MON2: variants seen among roughly 807,000 people sequenced by gnomAD.
MON2 encodes the protein MON2 regulator of endosome-to-Golgi trafficking.
A neutral mutation model predicts 208.6 loss-of-function variants in MON2; 84 were observed. That is an observed-to-expected ratio of 0.40 (90% CI 0.34 to 0.48). The LOEUF is 0.48. MON2 is among the 20% of genes least tolerant of loss of function. The pLI is 0.59. For synonymous variants in MON2, 660 were observed against 694.0 expected (o/e 0.95, Z 0.77); for missense variants, 1,611 against 2,015.4 (o/e 0.80, Z 3.84).
In MON2 at chr12:62,585,372, A is replaced by G; in HGVS notation, c.4778A>G (p.Asn1593Ser). ...ACATTACTCCAGTTTTCCTTCAGTA[A>G]TAAAGTCACAACACCTCAAGAAGGC... The part of the protein sequence containing the change: ...FETLLQFSFS[N>S]KVTTPQEGYI... Residue 1593 changes from asparagine (N) to serine (S), a missense_variant, in exon 33 of 35, where the codon AAT becomes AGT. Physicochemically the swap from Asn to Ser is conservative, Grantham distance 46. Transcript: ENST00000393630. The G allele has an allele frequency of 6.2e-7, 1 of 1,613,912 alleles. No homozygotes were observed. The highest frequency in any genetic ancestry group is 8.5e-7 in the Non-Finnish European group (1 of 1,179,842).
chr12:62,534,998 A>C, intron 13 of MON2, 72 bp downstream of exon 13: 5 of 1,071,892 alleles, frequency 4.7e-6, no homozygotes, highest in Non-Finnish European at 7.0e-6. Context: ...GTTTACTTAC[A>C]TTTGTCCCTA....
At chr12:62,487,289 T>C (rs1057333560) in intron 2 of MON2, among the ~76,000 whole-genome samples, 6 of 152,168 alleles carry the variant, frequency 3.9e-5, no homozygotes, top group African/African-American at 1.2e-4. Flanking sequence ...AAATTGTGTT[T>C]ATTATCCTAG....
At chr12:62,536,397 G>A (rs1232360778) in intron 14 of MON2, among the ~76,000 whole-genome samples, 2 of 152,068 alleles carry the variant, frequency 1.3e-5, no homozygotes, top group South Asian at 4.1e-4. Context: ...TAATGAGACA[G>A]GATCTCGCTA....
intron 8 of MON2, among the ~76,000 whole-genome samples, chr12:62,514,898 T>C (rs544731201): frequency 3.9e-4 from 60 of 152,182 alleles, no homozygotes; most frequent in Non-Finnish European, 7.2e-4. Context: ...ACATCTCCAA[T>C]CATTAGAGAA....
intron 13 of MON2, 73 bp from the exon 14 acceptor site, chr12:62,535,452 T>C: frequency 8.7e-7 from 1 of 1,147,358 alleles, no homozygotes; most frequent in Admixed American, 2.6e-5. Flanking sequence ...CACTGAATAC[T>C]TAATTCCACA....
intron 4 of MON2, among the ~76,000 whole-genome samples, chr12:62,497,325 C>A (rs2070570607): frequency 6.6e-6 from 1 of 152,062 alleles, no homozygotes. Flanking sequence ...AAAAAAAATT[C>A]ATTCATAACA....
rs112643059 is a variant in MON2, at chr12:62,526,853, A to G, written c.1400+751A>G. Reference sequence around the variant, plus strand: ...TAATTAAAACTATCCTTGGCCAGGTACAGTGACTCATGCCTGTAATCCCAG... The same window carrying G: ...TAATTAAAACTATCCTTGGCCAGGTGCAGTGACTCATGCCTGTAATCCCAG... On this transcript the variant is annotated intron_variant, in intron 11 of 34. Coordinates refer to ENST00000393630, the MANE Select transcript of MON2 (RefSeq NM_015026.3). Among the ~76,000 whole-genome samples, 719 of 152,274 alleles carry G rather than the reference A, an allele frequency of 4.7e-3. 6 individuals are homozygous for G. Among genetic ancestry groups the G allele is most frequent in the African/African-American group, 0.016 (663 of 41,562 alleles).
At chr12:62,559,748 G>A (rs2074125537) in intron 25 of MON2, among the ~76,000 whole-genome samples, 1 of 150,312 alleles carries the variant, frequency 6.7e-6, no homozygotes, top group African/African-American at 2.5e-5. Flanking sequence ...ACTCTAGCCT[G>A]GGTAACAGAG....
intron 4 of MON2, among the ~76,000 whole-genome samples, chr12:62,498,008 T>C (rs945444436): frequency 3.3e-5 from 5 of 151,934 alleles, no homozygotes. Flanking sequence ...TGAAAACATA[T>C]GTCCTCACAG....
intron 2 of MON2, among the ~76,000 whole-genome samples, chr12:62,488,703 T>G (rs975839024): frequency 6.6e-6 from 1 of 152,194 alleles, no homozygotes; most frequent in Admixed American, 6.5e-5. Context: ...GAAATTGACC[T>G]GTTGAGCCAG....
intron 26 of MON2, 48 bp downstream of exon 26, chr12:62,561,161 AT>A (rs756677448): frequency 8.9e-6 from 13 of 1,458,272 alleles, no homozygotes; most frequent in South Asian, 2.9e-5. Flanking sequence ...GTTCTCTGAA[AT>A]TTTTTTTATT....
At chr12:62,577,762 C>G (rs1299520283) in intron 30 of MON2, among the ~76,000 whole-genome samples, 1 of 152,042 alleles carries the variant, frequency 6.6e-6, no homozygotes, top group African/African-American at 2.4e-5. Flanking sequence ...TTTTAGCTGT[C>G]ATTATTCTAA....
intron 1 of MON2, among the ~76,000 whole-genome samples, chr12:62,468,641 C>T (rs924261840): frequency 6.6e-6 from 1 of 151,960 alleles, no homozygotes; most frequent in Non-Finnish European, 1.5e-5. Flanking sequence ...ATGGCTGTTA[C>T]GATATGTTTT....
chr12:62,467,387 C>A (rs1044363518), intron 1 of MON2, 69 bp downstream of exon 1: 5 of 1,275,864 alleles, frequency 3.9e-6, no homozygotes, highest in Non-Finnish European at 4.5e-6. Flanking sequence ...CAGTGCTTCA[C>A]CCCAGTTTCC....
chr12:62,529,231 C>A (rs1280917500), intron 11 of MON2, among the ~76,000 whole-genome samples: 2 of 152,138 alleles, frequency 1.3e-5, no homozygotes, highest in Non-Finnish European at 2.9e-5. Flanking sequence ...AGAGTTGACA[C>A]ATTAGTGGTA....
intron 14 of MON2, 142 bp from the exon 15 acceptor site, chr12:62,537,009 G>A (rs1170340264): frequency 4.4e-6 from 2 of 449,664 alleles, no homozygotes; most frequent in Non-Finnish European, 7.7e-6. Context: ...TTTTTTAAAT[G>A]TTTTGATACA....
intron 19 of MON2, among the ~76,000 whole-genome samples, chr12:62,538,893 T>C (rs1202561452): frequency 3.3e-5 from 5 of 152,150 alleles, no homozygotes. Context: ...TTTGCTTTCA[T>C]TGGGATGGAA....
Position 62,518,445 on chromosome 12 carries a change from T to C in MON2, c.985-6070T>C, listed in dbSNP as rs931709011. ...TGATGCAGTTTATAAGCTGCAACAC[T>C]GGGGTGTTAACTAATTTTTTAGGCT... On this transcript the variant is annotated intron_variant, in intron 8 of 34. Transcript: ENST00000393630. 3.9e-5 allele frequency among the ~76,000 whole-genome samples: 6 copies of C among 152,186 alleles called. No homozygotes were observed. The East Asian group carries it at 5.8e-4, about 15-fold the overall frequency.
At chr12:62,526,872 A>G (rs2072357708) in intron 11 of MON2, among the ~76,000 whole-genome samples, 2 of 152,304 alleles carry the variant, frequency 1.3e-5, no homozygotes, top group South Asian at 2.1e-4. Flanking sequence ...CATGCCTGTA[A>G]TCCCAGCATT....
Sources: allele counts gnomAD v4.1 joint callset (sites outside exome capture counted in the v4.1 genomes callset), GRCh38; gene constraint gnomAD v4.1.1; transcripts MANE v1.5; gene names NCBI Gene and HGNC (gene_info 2026-07-23, HGNC 2026-07-21).